The following KCNH8 variants were observed in gnomAD, a reference collection of about 807,000 sequenced individuals.
The protein encoded by KCNH8 is voltage-gated delayed rectifier potassium channel KCNH8.
Under a neutral mutation model 103.6 loss-of-function variants are expected in KCNH8, and 70 were observed. The ratio of observed to expected loss-of-function variants is 0.68; its 90% confidence interval spans 0.56 to 0.82. The LOEUF is 0.82. Among genes scored for constraint, KCNH8 ranks in the 40% least tolerant of loss-of-function variants. The pLI, the probability that KCNH8 is intolerant of heterozygous loss-of-function variation, is 0.00. For missense variants in KCNH8, 1,217 were observed against 1,329.9 expected (o/e 0.92, Z 1.32); for synonymous variants, 498 against 489.4 (o/e 1.02, Z -0.23).
At chr3:19,380,863 G>A (rs1231149560) in intron 5 of KCNH8, among the ~76,000 whole-genome samples, 3 of 152,152 alleles carry the variant, frequency 2.0e-5, no homozygotes, top group Non-Finnish European at 4.4e-5. Context: ...GTAACCACAA[G>A]TAGAAATAAA....
chr3:19,523,141 A>T (rs1464748216), intron 15 of KCNH8, among the ~76,000 whole-genome samples: 2 of 151,832 alleles, frequency 1.3e-5, no homozygotes, highest in African/African-American at 4.8e-5. Context: ...TTAGAGACCA[A>T]GCTCTTATTG....
chr3:19,198,419 G>T (rs2063623554), intron 1 of KCNH8, among the ~76,000 whole-genome samples: 1 of 152,038 alleles, frequency 6.6e-6, no homozygotes, highest in Non-Finnish European at 1.5e-5. Context: ...AACCGCAGTG[G>T]GTTCAGGTTT....
At chr3:19,437,998 CT>C (rs2067226271) in intron 7 of KCNH8, among the ~76,000 whole-genome samples, 165 bp from the exon 8 acceptor site, 1 of 152,106 alleles carries the variant, frequency 6.6e-6, no homozygotes, top group Admixed American at 6.5e-5. Context: ...TATATTTTCA[CT>C]TTTAAAGAAT....
chr3:19,170,870 C>G (rs34833350), intron 1 of KCNH8, among the ~76,000 whole-genome samples: 1 of 142,978 alleles, frequency 7.0e-6, no homozygotes, highest in Non-Finnish European at 1.5e-5. Context: ...AGTGCAGTGG[C>G]GCAAAATATC....
intron 1 of KCNH8, among the ~76,000 whole-genome samples, chr3:19,216,569 C>T (rs2063820075): frequency 6.6e-6 from 1 of 152,176 alleles, no homozygotes; most frequent in Admixed American, 6.5e-5. Flanking sequence ...CCAGCAGCTT[C>T]AAAATGTTTA....
chr3:19,259,941 A>G (rs1350595392), intron 2 of KCNH8, among the ~76,000 whole-genome samples: 1 of 151,816 alleles, frequency 6.6e-6, no homozygotes, highest in African/African-American at 2.4e-5. Flanking sequence ...GCTGTTGAAT[A>G]AATGAAAACT....
chr3:19,195,557 A>T (rs1228362937), intron 1 of KCNH8, among the ~76,000 whole-genome samples: 2 of 151,916 alleles, frequency 1.3e-5, no homozygotes, highest in Non-Finnish European at 2.9e-5. Flanking sequence ...ACAATGGAAC[A>T]TCTTTTACTC....
rs114133414 is a variant in KCNH8 at position 19,485,544 on chromosome 3, G to A, written c.2041-24819G>A. ...GAGTAGTTTTGTGCACGGCCAATACGATTGTGGCTCCCAGAAACTGTGGCA... is the reference window on the plus strand; with the variant it reads ...GAGTAGTTTTGTGCACGGCCAATACAATTGTGGCTCCCAGAAACTGTGGCA... On this transcript the variant is annotated intron_variant, in intron 11 of 15. Coordinates refer to ENST00000328405, the MANE Select transcript of KCNH8 (RefSeq NM_144633.3). Among the ~76,000 whole-genome samples the A allele has an allele frequency of 3.1e-3, 469 of 152,330 alleles. 4 individuals are homozygous for A. The highest frequency in any genetic ancestry group is 0.01 in the African/African-American group (424 of 41,568).
intron 1 of KCNH8, among the ~76,000 whole-genome samples, chr3:19,194,036 A>C (rs1260932462): frequency 6.6e-6 from 1 of 151,818 alleles, no homozygotes; most frequent in Non-Finnish European, 1.5e-5. Flanking sequence ...GTAAATTTTA[A>C]GCAAAATTGT....
chr3:19,241,723 G>GACACACACACAC (rs71055059), intron 1 of KCNH8, among the ~76,000 whole-genome samples: 34 of 147,808 alleles, frequency 2.3e-4, no homozygotes, highest in African/African-American at 7.7e-4. Context: ...TACACACACA[G>GACACACACACAC]ACACACACAC....
intron 6 of KCNH8, among the ~76,000 whole-genome samples, chr3:19,392,720 G>T: frequency 6.6e-6 from 1 of 151,946 alleles, no homozygotes; most frequent in Non-Finnish European, 1.5e-5. Context: ...GTTCTTTTAA[G>T]TACGGATCAC....
intron 11 of KCNH8, among the ~76,000 whole-genome samples, chr3:19,474,092 C>A (rs1486460576): frequency 5.9e-5 from 9 of 152,096 alleles, no homozygotes; most frequent in Admixed American, 5.9e-4. Context: ...CCTCTAAATC[C>A]CAAACCAGTT....
intron 3 of KCNH8, among the ~76,000 whole-genome samples, chr3:19,341,687 C>T (rs1318103193): frequency 1.3e-5 from 2 of 151,916 alleles, no homozygotes; most frequent in East Asian, 1.9e-4. Context: ...TACAAATGAA[C>T]AATAAATATT....
chr3:19,484,675 G>T (rs1333739976), intron 11 of KCNH8, among the ~76,000 whole-genome samples: 1 of 151,584 alleles, frequency 6.6e-6, no homozygotes, highest in Non-Finnish European at 1.5e-5. Context: ...ATGGTTTGAG[G>T]TCCTTTCCAC....
chr3:19,314,886 T>C (rs1483860360), intron 3 of KCNH8: 1 of 154,184 alleles, frequency 6.5e-6, no homozygotes, highest in African/African-American at 2.4e-5. Flanking sequence ...CCCATTGAAA[T>C]TCTCATTGAT....
intron 5 of KCNH8, among the ~76,000 whole-genome samples, chr3:19,351,248 T>A (rs1359579885): frequency 2.0e-5 from 3 of 152,004 alleles, no homozygotes; most frequent in African/African-American, 7.2e-5. Flanking sequence ...AAAGACCAAA[T>A]CTACATCTGA....
intron 4 of KCNH8, among the ~76,000 whole-genome samples, chr3:19,344,051 T>A (rs1336585637): frequency 6.6e-6 from 1 of 151,824 alleles, no homozygotes; most frequent in Non-Finnish European, 1.5e-5. Context: ...CTTAGTGTTA[T>A]ATTGATTTCC....
intron 15 of KCNH8, among the ~76,000 whole-genome samples, chr3:19,531,755 T>A (rs968663215): frequency 6.6e-6 from 1 of 152,228 alleles, no homozygotes; most frequent in Admixed American, 6.5e-5. Flanking sequence ...ATTAGGAATA[T>A]GTACTTAAAT....
intron 1 of KCNH8, among the ~76,000 whole-genome samples, chr3:19,238,078 C>T (rs1038186592): frequency 3.9e-5 from 6 of 152,126 alleles, no homozygotes; most frequent in East Asian, 3.8e-4. Context: ...TTTCAAATGG[C>T]GTCAGAAGTC....
Sources: allele counts gnomAD v4.1 joint callset (sites outside exome capture counted in the v4.1 genomes callset), GRCh38; gene constraint gnomAD v4.1.1; transcripts MANE v1.5; gene names NCBI Gene and HGNC (gene_info 2026-07-23, HGNC 2026-07-21).